The following LRP1B variants were observed in gnomAD, a reference collection of about 807,000 sequenced individuals.
LRP1B encodes low-density lipoprotein receptor-related protein 1B.
In LRP1B, 217 loss-of-function variants were observed where a neutral mutation model predicts 556.6. The observed-to-expected ratio is 0.39, with a 90% CI of 0.35 to 0.44. The LOEUF (loss-of-function observed/expected upper bound fraction) is 0.44. Among genes scored for constraint, LRP1B ranks in the 20% least tolerant of loss-of-function variants. The pLI is 1.00. For missense variants in LRP1B, 5,053 were observed against 5,620.8 expected (o/e 0.90, Z 3.23); for synonymous variants, 2,047 against 1,865.8 (o/e 1.10, Z -2.50).
chr2:140,492,191 T>C (rs951127839), intron 57 of LRP1B, among the ~76,000 whole-genome samples: 4 of 152,048 alleles, frequency 2.6e-5, no homozygotes, highest in Non-Finnish European at 5.9e-5. Flanking sequence ...TGAGACTAAA[T>C]CCTGAAGAAA....
intron 86 of LRP1B, among the ~76,000 whole-genome samples, chr2:140,262,304 A>C (rs1380107378): frequency 6.6e-6 from 1 of 152,184 alleles, no homozygotes; most frequent in Non-Finnish European, 1.5e-5. Flanking sequence ...AGTCACACAG[A>C]AATAAAAAAG....
rs774261041 is a variant in LRP1B, at chr2:142,130,770, G to C, written c.-41C>G. On this transcript the variant is annotated 5_prime_UTR_variant, in exon 1 of 91. Transcript: ENST00000389484. ...AGGAAGCCTGCGCTGGAGACTGCTC[G>C]GCGGCACCTTCGGCCCGGCGGCGGC... is the stretch of plus-strand genomic sequence containing the variant. The C allele has an allele frequency of 6.5e-5, 102 of 1,557,950 alleles. No individual in the cohort carries two copies. Among genetic ancestry groups the C allele is most frequent in the Middle Eastern group, 1.7e-4 (1 of 6,014 alleles).
At chr2:141,770,357 G>T (rs1437086214) in intron 2 of LRP1B, among the ~76,000 whole-genome samples, 2 of 151,988 alleles carry the variant, frequency 1.3e-5, no homozygotes, top group East Asian at 3.9e-4. Context: ...AAGAGAATTG[G>T]ACATTATATC....
chr2:140,311,189 G>A (rs1684281452), intron 83 of LRP1B, among the ~76,000 whole-genome samples: 1 of 145,304 alleles, frequency 6.9e-6, no homozygotes, highest in South Asian at 2.1e-4. Context: ...TTCACCTAAT[G>A]GGAAAAAAAT....
At chr2:141,279,687 C>T (rs765871570) in intron 3 of LRP1B, among the ~76,000 whole-genome samples, 1 of 152,076 alleles carries the variant, frequency 6.6e-6, no homozygotes, top group Non-Finnish European at 1.5e-5. Flanking sequence ...ACAAGCTATC[C>T]TCTCAACGAA....
intron 77 of LRP1B, among the ~76,000 whole-genome samples, chr2:140,349,845 A>C (rs766299941): frequency 3.3e-5 from 5 of 152,190 alleles, no homozygotes; most frequent in Non-Finnish European, 5.9e-5. Context: ...CATCTAAGTT[A>C]ATCTAAATCC....
chr2:140,470,644 CAAAAAAAAAA>C (rs35981828), intron 60 of LRP1B, among the ~76,000 whole-genome samples: 7 of 58,544 alleles, frequency 1.2e-4, no homozygotes, highest in Admixed American at 5.8e-4. Context: ...GACTCTGTCT[CAAAAAAAAAA>C]AAAAAAAAAA....
At chr2:140,617,678 C>T (rs992841266) in intron 41 of LRP1B, among the ~76,000 whole-genome samples, 11 of 151,898 alleles carry the variant, frequency 7.2e-5, no homozygotes, top group African/African-American at 2.4e-4. Context: ...AAAGGACTTT[C>T]TATTCAGATA....
At chr2:140,988,272 A>G (rs1360851225) in intron 17 of LRP1B, among the ~76,000 whole-genome samples, 1 of 152,038 alleles carries the variant, frequency 6.6e-6, no homozygotes, top group African/African-American at 2.4e-5. Flanking sequence ...TGGTCTCTGG[A>G]GGTCCTTTTC....
intron 32 of LRP1B, among the ~76,000 whole-genome samples, chr2:140,806,830 C>T (rs536012959): frequency 4.6e-5 from 7 of 152,106 alleles, no homozygotes; most frequent in South Asian, 2.1e-4. Flanking sequence ...TCGTGAATTC[C>T]GTCATAATTT....
intron 3 of LRP1B, among the ~76,000 whole-genome samples, chr2:141,463,572 T>TTA (rs1682012882): frequency 9.7e-5 from 9 of 92,462 alleles, no homozygotes; most frequent in Non-Finnish European, 1.4e-4. Context: ...ATATTATATA[T>TTA]TATATATAAT....
chr2:140,417,295 C>T (rs1334954140), intron 66 of LRP1B, among the ~76,000 whole-genome samples: 2 of 152,168 alleles, frequency 1.3e-5, no homozygotes, highest in African/African-American at 4.8e-5. Flanking sequence ...ATCCTGCCTG[C>T]TACTATGGAT....
chr2:140,733,407 G>A (rs889301447), intron 35 of LRP1B, among the ~76,000 whole-genome samples: 1 of 152,132 alleles, frequency 6.6e-6, no homozygotes, highest in Non-Finnish European at 1.5e-5. Context: ...GCAGAAAGCT[G>A]TGTATAAGAA....
intron 6 of LRP1B, among the ~76,000 whole-genome samples, chr2:141,216,349 G>C (rs1022334729): frequency 1.3e-5 from 2 of 152,364 alleles, no homozygotes; most frequent in Middle Eastern, 3.4e-3. Flanking sequence ...GTCAGCCTCT[G>C]CCTAGGTTTC....
intron 1 of LRP1B, among the ~76,000 whole-genome samples, chr2:141,928,416 C>T (rs999084830): frequency 6.6e-6 from 1 of 152,052 alleles, no homozygotes; most frequent in Non-Finnish European, 1.5e-5. Flanking sequence ...TTATTTGGGT[C>T]TGTAGGAAGT....
intron 2 of LRP1B, among the ~76,000 whole-genome samples, chr2:141,502,504 TGAAG>T (rs1683753861): frequency 6.6e-6 from 1 of 152,126 alleles, no homozygotes; most frequent in African/African-American, 2.4e-5. Flanking sequence ...GATAGATAGT[TGAAG>T]AAACACTCAA....
At chr2:141,194,638 A>T (rs559338253) in intron 6 of LRP1B, among the ~76,000 whole-genome samples, 1 of 152,130 alleles carries the variant, frequency 6.6e-6, no homozygotes, top group Admixed American at 6.6e-5. Flanking sequence ...ACCAAGGGCC[A>T]CTAGTGTGAT....
At chr2:140,292,253 G>A (rs1683418675) in intron 84 of LRP1B, among the ~76,000 whole-genome samples, 1 of 152,130 alleles carries the variant, frequency 6.6e-6, no homozygotes, top group South Asian at 2.1e-4. Flanking sequence ...AAAGGGTTGT[G>A]TGAGCATTTG....
intron 1 of LRP1B, among the ~76,000 whole-genome samples, chr2:142,029,105 C>A (rs1329035925): frequency 6.6e-6 from 1 of 151,762 alleles, no homozygotes; most frequent in Non-Finnish European, 1.5e-5. Context: ...CCTCTTCTGT[C>A]CCTACCCTTG....
Sources: gnomAD v4.1 joint callset for allele counts (sites outside exome capture counted in the v4.1 genomes callset) on GRCh38, gnomAD v4.1.1 for gene constraint, MANE v1.5 for transcripts, NCBI Gene and HGNC (gene_info 2026-07-23, HGNC 2026-07-21) for gene names.